Variants in PRKDC observed in about 807,000 individuals in gnomAD.
PRKDC encodes DNA-dependent protein kinase catalytic subunit.
In PRKDC, 82 loss-of-function variants were observed where a neutral mutation model predicts 486.9. The observed-to-expected ratio is 0.17, with a 90% confidence interval of 0.14 to 0.20. PRKDC has a LOEUF of 0.20. PRKDC is among the 10% of genes least tolerant of loss of function. The pLI, the probability that PRKDC is intolerant of heterozygous loss-of-function variation, is 1.00. For missense variants in PRKDC, 4,504 were observed against 5,038.2 expected (o/e 0.89, Z 3.21); for synonymous variants, 1,895 against 1,837.0 (o/e 1.03, Z -0.81).
intron 40 of PRKDC, among the ~76,000 whole-genome samples, chr8:47,865,188 C>T (rs2088779712): frequency 6.6e-6 from 1 of 151,766 alleles, no homozygotes; most frequent in African/African-American, 2.4e-5. Context: ...GAGATCGAGA[C>T]CACCCTGGCC....
At chr8:47,858,780 T>C in intron 47 of PRKDC, 69 bp downstream of exon 47, 1 of 1,534,572 alleles carries the variant, frequency 6.5e-7, no homozygotes, top group Non-Finnish European at 8.8e-7. Context: ...GTTTTCAATA[T>C]TAAATGTTCA....
chr8:47,867,412 G>C (rs1446698964), intron 40 of PRKDC, among the ~76,000 whole-genome samples: 2 of 152,154 alleles, frequency 1.3e-5, no homozygotes, highest in South Asian at 2.1e-4. Context: ...CTACTAATTG[G>C]TGTAATAACC....
chr8:47,930,085 C>A (rs1158751777), intron 17 of PRKDC, 73 bp from the exon 18 acceptor site: 2 of 1,317,740 alleles, frequency 1.5e-6, no homozygotes, highest in Non-Finnish European at 2.1e-6. Flanking sequence ...GGGACATAAT[C>A]GAACAACTAA....
intron 1 of PRKDC, chr8:47,959,369 A>G (rs1403732127): frequency 6.6e-6 from 1 of 152,116 alleles, no homozygotes. Flanking sequence ...ATTAGGCGAG[A>G]TTCAGGTGAA....
intron 66 of PRKDC, 137 bp downstream of exon 66, chr8:47,820,582 A>C (rs1045836677): frequency 2.1e-6 from 1 of 485,174 alleles, no homozygotes; most frequent in Middle Eastern, 6.1e-4. Context: ...AGTACTTGAA[A>C]ATTTTTGTTG....
At chr8:47,777,285 T>C (rs1259164818) in intron 84 of PRKDC, among the ~76,000 whole-genome samples, 2 of 152,084 alleles carry the variant, frequency 1.3e-5, no homozygotes, top group African/African-American at 2.4e-5. Flanking sequence ...CTCGGCTCAC[T>C]GCAACCTCTG....
At chr8:47,879,229 G>A (rs1276726857) in intron 39 of PRKDC, among the ~76,000 whole-genome samples, 1 of 152,140 alleles carries the variant, frequency 6.6e-6, no homozygotes, top group African/African-American at 2.4e-5. Context: ...CTTTCCAAGT[G>A]AATTAAATGA....
chr8:47,950,272 C>CAA (rs200893278), intron 7 of PRKDC, among the ~76,000 whole-genome samples: 3 of 76,800 alleles, frequency 3.9e-5, no homozygotes, highest in African/African-American at 1.5e-4. Context: ...AACTCTGTCT[C>CAA]AAAAAAAAAA....
chr8:47,802,502 G>A (rs545746955), intron 70 of PRKDC, among the ~76,000 whole-genome samples: 5 of 144,834 alleles, frequency 3.5e-5, no homozygotes, highest in Admixed American at 2.1e-4. Context: ...TTTTTTGAGA[G>A]ACGGAGTTTT....
intron 54 of PRKDC, among the ~76,000 whole-genome samples, chr8:47,844,624 C>A (rs2088223697): frequency 6.6e-6 from 1 of 152,100 alleles, no homozygotes; most frequent in Non-Finnish European, 1.5e-5. Context: ...CTAAGATCAA[C>A]CACATGCTCA....
chr8:47,860,839 A>G, intron 45 of PRKDC, 60 bp downstream of exon 45: 1 of 1,363,714 alleles, frequency 7.3e-7, no homozygotes, highest in South Asian at 1.3e-5. Context: ...TCTTAGAACA[A>G]AACAAAACAA....
intron 52 of PRKDC, among the ~76,000 whole-genome samples, chr8:47,850,530 G>A (rs1376591784): frequency 6.6e-6 from 1 of 152,104 alleles, no homozygotes; most frequent in African/African-American, 2.4e-5. Context: ...GTAGTATGAG[G>A]CTATTTTTAA....
At chr8:47,866,983 C>T (rs2088832840) in intron 40 of PRKDC, among the ~76,000 whole-genome samples, 1 of 152,176 alleles carries the variant, frequency 6.6e-6, no homozygotes, top group African/African-American at 2.4e-5. Context: ...AGTGATCCTC[C>T]TGCCTCAGCC....
At chr8:47,830,579 C>T (rs1301944533) in intron 61 of PRKDC, 26 bp downstream of exon 61, 1 of 1,608,244 alleles carries the variant, frequency 6.2e-7, no homozygotes, top group Non-Finnish European at 8.5e-7. Context: ...AACCTGTCAA[C>T]AGAAAACGCA....
At chr8:47,837,902 G>A (rs2088062909) in intron 56 of PRKDC, among the ~76,000 whole-genome samples, 1 of 152,284 alleles carries the variant, frequency 6.6e-6, no homozygotes, top group African/African-American at 2.4e-5. Context: ...TTGGGAGGCT[G>A]AGGTGGGTGG....
At chr8:47,840,572 T>C (rs186892935) in intron 54 of PRKDC, among the ~76,000 whole-genome samples, 1 of 152,200 alleles carries the variant, frequency 6.6e-6, no homozygotes, top group African/African-American at 2.4e-5. Flanking sequence ...TCTTTCAACT[T>C]TTCTGTAAAT....
In PRKDC at chr8:47,912,432, C is replaced by T. The variant is rs528650708; in HGVS notation, c.2912G>A (p.Arg971Gln). 2.9e-5 allele frequency: 46 copies of T among 1,595,692 alleles called. No homozygotes were observed. The highest frequency in any genetic ancestry group is 3.6e-5 in the Non-Finnish European group (42 of 1,171,416). The change falls in exon 25 of 86, where the codon CGA becomes CAA. Residue 971 changes from arginine (R) to glutamine (Q), a missense_variant. Physicochemically the swap from Arg to Gln is conservative, Grantham distance 43 (BLOSUM62 1). This residue lies in a region of PRKDC where 1,969 missense variants were observed against 2,068.9 expected (regional missense o/e 0.95). Coordinates refer to ENST00000314191, the MANE Select transcript of PRKDC (RefSeq NM_006904.7). ...LYKRTFPVLL[R>Q]LACDVDQVTR... ...TACCTGATCAACATCACACGCAAGT[C>T]GAAGCAGCACAGGAAACGTCCGCTT...
chr8:47,931,240 C>T (rs1011897466), intron 16 of PRKDC, among the ~76,000 whole-genome samples: 1 of 152,232 alleles, frequency 6.6e-6, no homozygotes, highest in East Asian at 1.9e-4. Flanking sequence ...TTTGTGTTAC[C>T]AAACACAACT....
intron 16 of PRKDC, among the ~76,000 whole-genome samples, chr8:47,932,015 T>TGA (rs967308598): frequency 1.2e-4 from 18 of 150,218 alleles, no homozygotes; most frequent in Non-Finnish European, 2.4e-4. Flanking sequence ...CTCTGCCTCC[T>TGA]GAGTACCTGG....
Sources: gnomAD v4.1 joint callset for allele counts (sites outside exome capture counted in the v4.1 genomes callset) on GRCh38, gnomAD v4.1.1 for gene constraint, gnomAD v4.1.1 regional missense constraint, MANE v1.5 for transcripts, NCBI Gene and HGNC (gene_info 2026-07-23, HGNC 2026-07-21) for gene names.